MAD1L1: variants seen among roughly 807,000 people sequenced by gnomAD.
The protein encoded by MAD1L1 is mitotic arrest deficient 1 like 1.
Under a neutral mutation model 96.9 loss-of-function variants are expected in MAD1L1, and 95 were observed. The ratio of observed to expected loss-of-function variants is 0.98; its 90% CI spans 0.83 to 1.16. The LOEUF is 1.16. Ranked by LOEUF, MAD1L1 falls within the 50% of genes most tolerant of loss-of-function variation. The pLI, the probability that MAD1L1 is intolerant of heterozygous loss-of-function variation, is 0.00. For synonymous variants in MAD1L1, 473 were observed against 396.6 expected (o/e 1.19, Z -2.29); for missense variants, 1,007 against 954.4 (o/e 1.06, Z -0.73).
intron 10 of MAD1L1, among the ~76,000 whole-genome samples, chr7:2,178,898 A>AAG (rs1554404958): frequency 2.6e-5 from 4 of 151,564 alleles, no homozygotes; most frequent in African/African-American, 9.7e-5. Context: ...CAAAAAAAAA[A>AAG]AAAAGAAAAG....
At chr7:2,046,585 G>T (rs1010143527) in intron 12 of MAD1L1, among the ~76,000 whole-genome samples, 1 of 152,200 alleles carries the variant, frequency 6.6e-6, no homozygotes, top group African/African-American at 2.4e-5. Context: ...TCTGCGTGGC[G>T]ATCATCTCCT....
intron 11 of MAD1L1, among the ~76,000 whole-genome samples, chr7:2,108,973 A>AG (rs1249344814): frequency 2.0e-5 from 3 of 152,220 alleles, no homozygotes; most frequent in Non-Finnish European, 2.9e-5. Flanking sequence ...CAGACCAAAC[A>AG]GGCGCTACCA....
chr7:2,079,066 G>C (rs1381529059), intron 11 of MAD1L1, among the ~76,000 whole-genome samples: 2 of 152,194 alleles, frequency 1.3e-5, no homozygotes, highest in Admixed American at 6.5e-5. Flanking sequence ...CGGTTGGGAG[G>C]GGGTGAATGC....
chr7:1,818,391 T>TA (rs1781939405), intron 18 of MAD1L1, among the ~76,000 whole-genome samples: 1 of 151,824 alleles, frequency 6.6e-6, no homozygotes, highest in Non-Finnish European at 1.5e-5. Context: ...TTTCTAAAAA[T>TA]ATTTTTTTTT....
intron 12 of MAD1L1, 62 bp from the exon 13 acceptor site, chr7:2,014,704 G>A (rs985410550): frequency 2.8e-5 from 43 of 1,521,184 alleles, no homozygotes; most frequent in Middle Eastern, 1.8e-4. Context: ...TGATGGAGAC[G>A]GCTCAGGGAA....
intron 11 of MAD1L1, among the ~76,000 whole-genome samples, chr7:2,099,279 C>A (rs1456349674): frequency 6.6e-6 from 1 of 152,266 alleles, no homozygotes; most frequent in African/African-American, 2.4e-5. Flanking sequence ...CCTGTGCACT[C>A]CGGCGCCCGG....
Position 2,086,641 on chromosome 7 carries a change from G to A in MAD1L1, c.1074-17303C>T, listed in dbSNP as rs1367835425. On this transcript the variant is annotated intron_variant, in intron 11 of 18. Coordinates refer to ENST00000265854, the MANE Select transcript of MAD1L1 (RefSeq NM_001013836.2). ...ACGCTCTCGGCTCACTGCAACCTCC[G>A]CCTCCCAGGTTCAAGCAATTCTGCC... Among the ~76,000 whole-genome samples, 6 of 152,226 alleles carry A rather than the reference G, an allele frequency of 3.9e-5. No individual in the cohort carries two copies. The East Asian group carries it at 1.2e-3, about 29-fold the overall frequency.
chr7:1,987,191 C>T (rs1231438995), intron 14 of MAD1L1, among the ~76,000 whole-genome samples: 1 of 152,262 alleles, frequency 6.6e-6, no homozygotes, highest in Non-Finnish European at 1.5e-5. Flanking sequence ...TGTGACCGCA[C>T]CCTCTACTCC....
At chr7:2,082,856 G>A (rs996477539) in intron 11 of MAD1L1, among the ~76,000 whole-genome samples, 19 of 152,210 alleles carry the variant, frequency 1.2e-4, no homozygotes, top group Admixed American at 6.5e-5. Context: ...CTGCTTCAGC[G>A]CTACCTGGGT....
intron 10 of MAD1L1, among the ~76,000 whole-genome samples, chr7:2,196,133 C>A (rs1791973695): frequency 6.6e-6 from 1 of 152,228 alleles, no homozygotes; most frequent in Non-Finnish European, 1.5e-5. Context: ...TCACTGGATG[C>A]CCTTGGGCCA....
At chr7:1,948,369 T>TTGG in intron 16 of MAD1L1, among the ~76,000 whole-genome samples, 1 of 143,278 alleles carries the variant, frequency 7.0e-6, no homozygotes, top group Non-Finnish European at 1.5e-5. Flanking sequence ...CTCAGGGCCC[T>TTGG]GCCCAGAGGC....
chr7:2,011,722 G>A (rs1041026550), intron 13 of MAD1L1, among the ~76,000 whole-genome samples: 3 of 152,222 alleles, frequency 2.0e-5, no homozygotes, highest in Non-Finnish European at 4.4e-5. Flanking sequence ...ACAGACCCCA[G>A]AGGGCAGTGG....
chr7:2,065,392 A>G lies in MAD1L1; in HGVS notation c.1218+3802T>C, dbSNP rs550587865. Among the ~76,000 whole-genome samples the G allele has an allele frequency of 4.9e-4, 75 of 152,316 alleles. 1 individual carries two copies. In the South Asian group the frequency reaches 0.016, roughly 32 times the overall value. ...CCGCTCCCAATCCCACAGCAGGCCCAGCCACGTTGGTTTTGAGACCGTGGA... is the reference window on the plus strand; with the variant it reads ...CCGCTCCCAATCCCACAGCAGGCCCGGCCACGTTGGTTTTGAGACCGTGGA... On this transcript the variant is annotated intron_variant, in intron 12 of 18. Coordinates refer to ENST00000265854, the MANE Select transcript of MAD1L1 (RefSeq NM_001013836.2).
intron 11 of MAD1L1, among the ~76,000 whole-genome samples, chr7:2,133,958 G>A (rs1212356921): frequency 1.3e-5 from 2 of 152,210 alleles, no homozygotes; most frequent in Non-Finnish European, 2.9e-5. Flanking sequence ...TAAGTCTTGA[G>A]GTCGGGGAGT....
At chr7:2,094,892 G>T (rs190524169) in intron 11 of MAD1L1, among the ~76,000 whole-genome samples, 1 of 152,198 alleles carries the variant, frequency 6.6e-6, no homozygotes, top group Non-Finnish European at 1.5e-5. Flanking sequence ...AGCTGATCAC[G>T]CTGTTTCCTG....
chr7:2,012,291 C>T (rs976953544), intron 13 of MAD1L1, among the ~76,000 whole-genome samples: 5 of 152,140 alleles, frequency 3.3e-5, no homozygotes, highest in Admixed American at 1.3e-4. Flanking sequence ...CGGCCAGGCC[C>T]GTGACGAGCC....
At chr7:1,842,155 G>A (rs1443948214) in intron 18 of MAD1L1, among the ~76,000 whole-genome samples, 1 of 152,172 alleles carries the variant, frequency 6.6e-6, no homozygotes. Context: ...TGGCTTTGTA[G>A]ATCTTGTGTG....
chr7:1,905,422 T>C lies in MAD1L1; in HGVS notation c.1808-7032A>G, dbSNP rs568679426. Among the ~76,000 whole-genome samples, 9 of 145,064 alleles carry C rather than the reference T, an allele frequency of 6.2e-5. 1 individual carries two copies. Among genetic ancestry groups the C allele is most frequent in the African/African-American group, 2.0e-4 (8 of 40,082 alleles). Reference sequence around the variant, plus strand: ...ACGGAAGACGCTCTTGTGGAACTCATGATTGATGAAGCACTGTTCCAGGCA... The same window carrying C: ...ACGGAAGACGCTCTTGTGGAACTCACGATTGATGAAGCACTGTTCCAGGCA... On this transcript the variant is annotated intron_variant, in intron 17 of 18. Coordinates refer to ENST00000265854, the MANE Select transcript of MAD1L1 (RefSeq NM_001013836.2).
At chr7:1,935,810 G>A (rs1583842156) in intron 17 of MAD1L1, among the ~76,000 whole-genome samples, 1 of 152,214 alleles carries the variant, frequency 6.6e-6, no homozygotes, top group African/African-American at 2.4e-5. Context: ...CAGCCTCCAG[G>A]CCCCACCACA....
Sources: gnomAD v4.1 joint callset for allele counts (sites outside exome capture counted in the v4.1 genomes callset) on GRCh38, gnomAD v4.1.1 for gene constraint, MANE v1.5 for transcripts, NCBI Gene and HGNC (gene_info 2026-07-23, HGNC 2026-07-21) for gene names.